The following ERBB3 variants were observed in gnomAD, a reference collection of about 807,000 sequenced individuals.
ERBB3 encodes the protein erb-b2 receptor tyrosine kinase 3, also known as receptor tyrosine-protein kinase erbB-3.
In ERBB3, 96 loss-of-function variants were observed where a neutral mutation model predicts 156.7. The ratio of observed to expected loss-of-function variants is 0.61; its 90% CI spans 0.52 to 0.73. The LOEUF (loss-of-function observed/expected upper bound fraction) is 0.73, where lower values mean the gene tolerates loss of function less well. Among genes scored for constraint, ERBB3 ranks in the 30% least tolerant of loss-of-function variants. The pLI is 0.00. For missense variants in ERBB3, 1,406 were observed against 1,709.4 expected, an observed-to-expected ratio of 0.82 and a Z score of 3.13; for synonymous variants, 567 against 632.0, an observed-to-expected ratio of 0.90 and a Z score of 1.54.
chr12:56,093,719 T>C, intron 12 of ERBB3, 45 bp from the exon 13 acceptor site: 1 of 1,611,346 alleles, frequency 6.2e-7, no homozygotes, highest in Non-Finnish European at 8.5e-7. Flanking sequence ...GAGGGCTTGC[T>C]GGGAGTCCTC....
In ERBB3 at chr12:56,088,011, T is replaced by C. The variant is rs1868545672; in HGVS notation, c.733-10T>C. ...GTAACATAAATCTGATGAGCCTCCT[T>C]TTTTCCCAGGCCTGCCGGCACTTCA... is the stretch of plus-strand genomic sequence containing the variant. On this transcript the variant is annotated splice_polypyrimidine_tract_variant and intron_variant, in intron 6 of 27. Transcript: ENST00000267101. 1.9e-6 allele frequency: 3 copies of C among 1,614,148 alleles called. No homozygotes were observed. Among genetic ancestry groups the C allele is most frequent in the Non-Finnish European group, 1.7e-6 (2 of 1,180,028 alleles).
Position 56,092,742 on chromosome 12 carries a change from T to C in ERBB3, c.1110-5T>C, listed in dbSNP as rs969442961. The C allele has an allele frequency of 6.2e-7, 1 of 1,612,274 alleles. No homozygotes were observed. The highest frequency in any genetic ancestry group is 8.5e-7 in the Non-Finnish European group (1 of 1,178,300). ...TTATTGACTGGTTTCTACTGTTCTA[T>C]TCAGAGACCCCTGGCACAAGATCCC... On this transcript the variant is annotated splice_polypyrimidine_tract_variant and splice_region_variant and intron_variant, in intron 9 of 27. Transcript: ENST00000267101.
At chr12:56,100,689 C>T (rs1005623176) in intron 26 of ERBB3, among the ~76,000 whole-genome samples, 44 of 149,732 alleles carry the variant, frequency 2.9e-4, no homozygotes, top group African/African-American at 9.6e-4. Flanking sequence ...CGCCTGTAAT[C>T]CTAGCACTTT....
In ERBB3 at chr12:56,080,167, A is replaced by G; in HGVS notation, c.-134A>G. The G allele has an allele frequency of 1.4e-6, 1 of 730,158 alleles. No homozygotes were observed. The highest frequency in any genetic ancestry group is 2.4e-6 in the Non-Finnish European group (1 of 412,566). The allele number at this position is 730,158 out of a possible 1,614,324, so 45.2% of individuals were successfully genotyped here. ...GGACTCCGGCTCCGGCTCCGATTGC[A>G]ATTTGCAACCTCCGCTGCCGTCGCC... On this transcript the variant is annotated 5_prime_UTR_variant, in exon 1 of 28. Coordinates refer to ENST00000267101, the MANE Select transcript of ERBB3 (RefSeq NM_001982.4).
rs200856864 is a variant in ERBB3 at position 56,085,046 on chromosome 12, A to C, written c.286A>C (p.Thr96Pro). The C allele has an allele frequency of 1.9e-6, 3 of 1,613,916 alleles. No homozygotes were observed. The highest frequency in any genetic ancestry group is 2.5e-6 in the Non-Finnish European group (3 of 1,179,976). The change falls in exon 3 of 28, where the codon ACT (threonine) becomes CCT (proline). Residue 96 changes from threonine (T) to proline (P), a missense_variant. Thr to Pro is a conservative substitution (Grantham distance 38, BLOSUM62 -1). Coordinates refer to ENST00000267101, the MANE Select transcript of ERBB3 (RefSeq NM_001982.4). The stretch of plus-strand genomic sequence containing the variant: ...CCTCGTGGCCATGAATGAATTCTCT[A>C]CTCTACCATTGCCCAACCTCCGCGT... ...YVLVAMNEFS[T>P]LPLPNLRVVR...
At chr12:56,094,603 A>G (rs760336631) in intron 15 of ERBB3, 47 bp downstream of exon 15, 12 of 1,598,150 alleles carry the variant, frequency 7.5e-6, no homozygotes, top group Non-Finnish European at 1.0e-5. Flanking sequence ...GAAGGGTAGG[A>G]GCACAGAACT....
At position 56,087,957 on chromosome 12, in the gene ERBB3, G is replaced by C. The variant is rs755257778; in HGVS notation, c.732+44G>C. On this transcript the variant is annotated intron_variant, in intron 6 of 27. Transcript: ENST00000267101. The stretch of plus-strand genomic sequence containing the variant: ...GCCTGGGTTCTGAAATTGGGATGTG[G>C]CCTTTGAGGAGGAGGTAGGGGTACA... 4.3e-6 allele frequency: 7 copies of C among 1,613,702 alleles called. No individual in the cohort carries two copies. In the East Asian group the frequency reaches 1.6e-4, roughly 36 times the overall value.
intron 26 of ERBB3, among the ~76,000 whole-genome samples, chr12:56,100,745 G>A (rs545799132): frequency 7.9e-5 from 12 of 151,608 alleles, no homozygotes; most frequent in African/African-American, 2.7e-4. Flanking sequence ...TTCGAGACCA[G>A]CCTGACCAAC....
chr12:56,102,052 G>GT lies in ERBB3; in HGVS notation c.4027dup (p.Ter1343LeufsTer16), dbSNP rs770822086. On this transcript the variant is annotated frameshift_variant, in exon 28 of 28. Coordinates refer to ENST00000267101, the MANE Select transcript of ERBB3 (RefSeq NM_001982.4). LOFTEE classifies it high-confidence loss of function. ...TCCCCAAGGCTAATGCCCAGAGAAC[G>GT]TAACTCCTGCTCCCTGTGGCACTCA... 63 of 1,607,168 alleles carry GT rather than the reference G, an allele frequency of 3.9e-5. No homozygotes were observed. Among genetic ancestry groups the GT allele is most frequent in the Admixed American group, 5.0e-5 (3 of 59,956 alleles).
intron 9 of ERBB3, among the ~76,000 whole-genome samples, chr12:56,092,507 C>T (rs891581087): frequency 2.6e-5 from 4 of 151,300 alleles, no homozygotes; most frequent in Non-Finnish European, 4.4e-5. Flanking sequence ...TTATTTTAGC[C>T]AGCCCCTCCA....
intron 1 of ERBB3, 159 bp from the exon 2 acceptor site, chr12:56,083,592 G>A: frequency 1.3e-6 from 1 of 764,244 alleles, no homozygotes. Flanking sequence ...GGCCACTACA[G>A]CTTCTGCCTA....
At chr12:56,082,320 G>A (rs925977068) in intron 1 of ERBB3, among the ~76,000 whole-genome samples, 2 of 152,140 alleles carry the variant, frequency 1.3e-5, no homozygotes, top group Admixed American at 1.3e-4. Flanking sequence ...CTATAACTTG[G>A]GAAAGGGGGT....
rs745490480 is a variant in ERBB3 at position 56,093,536 on chromosome 12, C to T, written c.1466C>T (p.Pro489Leu). Residue 489 changes from proline (P) to leucine (L), a missense_variant, in exon 12 of 28, where the codon CCG becomes CTG. By Grantham distance (98) the Pro-to-Leu change is moderately conservative. Around this residue, in one of 3 missense-constraint regions of ERBB3, gnomAD observed 979 missense variants for 1,219.6 expected, o/e 0.80. Coordinates refer to ENST00000267101, the MANE Select transcript of ERBB3 (RefSeq NM_001982.4). ...CGACTAGACATCAAGCATAATCGGCCGCGCAGAGACTGCGGTGAGGGAAAG... is the reference window on the plus strand; with the variant it reads ...CGACTAGACATCAAGCATAATCGGCTGCGCAGAGACTGCGGTGAGGGAAAG... ...EERLDIKHNR[P>L]RRDCVAEGKV... 42 of 1,611,770 alleles carry T rather than the reference C, an allele frequency of 2.6e-5. No homozygotes were observed. The highest frequency in any genetic ancestry group is 1.7e-4 in the Middle Eastern group (1 of 5,998).
At chr12:56,081,410 C>T (rs954474845) in intron 1 of ERBB3, among the ~76,000 whole-genome samples, 4 of 152,152 alleles carry the variant, frequency 2.6e-5, no homozygotes, top group African/African-American at 9.7e-5. Flanking sequence ...CAGATCTCAG[C>T]TTGGGGTTTG....
intron 11 of ERBB3, 79 bp downstream of exon 11, chr12:56,093,155 GCA>G: frequency 7.9e-7 from 1 of 1,269,418 alleles, no homozygotes; most frequent in Non-Finnish European, 1.2e-6. Context: ...AAAATACAAG[GCA>G]CTGTCTCATA....
intron 20 of ERBB3, 96 bp downstream of exon 20, chr12:56,097,326 C>T (rs1868922043): frequency 8.2e-7 from 1 of 1,213,778 alleles, no homozygotes; most frequent in African/African-American, 1.5e-5. Context: ...AGGTGAGGTC[C>T]CCAACCCCCG....
chr12:56,096,302 C>G, intron 17 of ERBB3: 1 of 649,684 alleles, frequency 1.5e-6, no homozygotes, highest in South Asian at 1.9e-5. Context: ...CCCTTTGATT[C>G]CTGATCTCAT....
chr12:56,100,968 A>T, intron 26 of ERBB3, 93 bp from the exon 27 acceptor site: 1 of 682,780 alleles, frequency 1.5e-6, no homozygotes, highest in Non-Finnish European at 2.4e-6. Flanking sequence ...AAAAAAAGGC[A>T]GTGAACAACC....
intron 9 of ERBB3, among the ~76,000 whole-genome samples, chr12:56,089,540 C>T (rs757202714): frequency 1.3e-5 from 2 of 152,012 alleles, no homozygotes; most frequent in African/African-American, 4.8e-5. Context: ...GAGGTCAGAT[C>T]GAGACCATCC....
Sources: gnomAD v4.1 joint callset for allele counts (sites outside exome capture counted in the v4.1 genomes callset) on GRCh38, gnomAD v4.1.1 for gene constraint, gnomAD v4.1.1 regional missense constraint, MANE v1.5 for transcripts, NCBI Gene and HGNC (gene_info 2026-07-23, HGNC 2026-07-21) for gene names.